The following EIF4A3 variants were observed in gnomAD, a reference collection of about 807,000 sequenced individuals.
EIF4A3 encodes the protein eukaryotic translation initiation factor 4A3, also known as eukaryotic initiation factor 4A-III.
EIF4A3 carries 1 observed loss-of-function variant against 55.6 expected under a neutral mutation model. The ratio of observed to expected loss-of-function variants is 0.02; its 90% CI spans 0.01 to 0.09. The LOEUF (loss-of-function observed/expected upper bound fraction) is 0.09, where lower values mean the gene tolerates loss of function less well. Among genes scored for constraint, EIF4A3 ranks in the 10% least tolerant of loss-of-function variants. The pLI, the probability that EIF4A3 is intolerant of heterozygous loss-of-function variation, is 1.00. For missense variants in EIF4A3, 221 were observed against 540.7 expected, an observed-to-expected ratio of 0.41 and a Z score of 5.86; for synonymous variants, 194 against 196.3, an observed-to-expected ratio of 0.99 and a Z score of 0.10.
chr17:80,142,701 CA>C (rs1457828759), intron 2 of EIF4A3, among the ~76,000 whole-genome samples: 26 of 152,028 alleles, frequency 1.7e-4, no homozygotes, highest in Non-Finnish European at 1.3e-4. Flanking sequence ...GCTATGACTG[CA>C]CCACTGCATT....
chr17:80,142,986 C>T lies in EIF4A3; in HGVS notation c.243-1138G>A, dbSNP rs181533615. ...GCTGCTATGAGCTGTAATCACACGACTGCACTCCAGTCTGGGAGACAGAGT... is the reference window on the plus strand; with the variant it reads ...GCTGCTATGAGCTGTAATCACACGATTGCACTCCAGTCTGGGAGACAGAGT... On this transcript the variant is annotated intron_variant, in intron 2 of 11. Coordinates refer to ENST00000649764, the MANE Select transcript of EIF4A3 (RefSeq NM_014740.4). Among the ~76,000 whole-genome samples, 133 of 152,300 alleles carry T rather than the reference C, an allele frequency of 8.7e-4. No homozygotes were observed. In the Middle Eastern group the frequency reaches 0.01, roughly 12 times the overall value.
At chr17:80,146,439 G>A (rs1187541906) in intron 1 of EIF4A3, among the ~76,000 whole-genome samples, 1 of 152,180 alleles carries the variant, frequency 6.6e-6, no homozygotes, top group African/African-American at 2.4e-5. Flanking sequence ...AACCCGTAAA[G>A]GCGCAAACCC....
chr17:80,144,088 G>A (rs891295790), intron 2 of EIF4A3, 84 bp downstream of exon 2: 9 of 1,311,398 alleles, frequency 6.9e-6, no homozygotes, highest in Admixed American at 6.7e-5. Context: ...ACAAGCTGAG[G>A]GAAACAGTCA....
chr17:80,142,501 C>A (rs989457798), intron 2 of EIF4A3, among the ~76,000 whole-genome samples: 1 of 152,180 alleles, frequency 6.6e-6, no homozygotes, highest in Non-Finnish European at 1.5e-5. Flanking sequence ...ATTCCCAACA[C>A]TCTGGGACGC....
At position 80,134,856 on chromosome 17, in the gene EIF4A3, A is replaced by G. The variant is rs2039557191; in HGVS notation, c.*634T>C. Among the ~76,000 whole-genome samples the G allele has an allele frequency of 6.6e-6, 1 of 152,114 alleles. No individual in the cohort carries two copies. The highest frequency in any genetic ancestry group is 1.5e-5 in the Non-Finnish European group (1 of 68,022). On this transcript the variant is annotated 3_prime_UTR_variant, in exon 12 of 12. Transcript: ENST00000649764. ...CTCTTTCCAAAAAAAAAGATTAGAAAAGTGAGTGAAATGGGCCGGGTGCAG... is the reference window on the plus strand; with the variant it reads ...CTCTTTCCAAAAAAAAAGATTAGAAGAGTGAGTGAAATGGGCCGGGTGCAG...
chr17:80,144,977 C>G (rs999154695), intron 1 of EIF4A3, among the ~76,000 whole-genome samples: 2 of 152,198 alleles, frequency 1.3e-5, no homozygotes, highest in Non-Finnish European at 2.9e-5. Context: ...TTGGTAGTCT[C>G]TTAAATGTAG....
Position 80,135,643 on chromosome 17 carries a change from C to T in EIF4A3, c.1220-137G>A, listed in dbSNP as rs530521769. The T allele has an allele frequency of 2.7e-5, 21 of 768,178 alleles. No individual in the cohort carries two copies. In the East Asian group the frequency reaches 5.5e-4, roughly 20 times the overall value. The allele number at this position is 768,178 out of a possible 1,614,324, so 47.6% of individuals were successfully genotyped here. A position where few individuals can be genotyped will look rare whatever the true frequency, so the allele number is the denominator to read the frequency against. Reference sequence around the variant, plus strand: ...AGACATAGTGGCTCACGCCTGTAATCCCAGCACTTTGGGAGGCTGAGGTGG... The same window carrying T: ...AGACATAGTGGCTCACGCCTGTAATTCCAGCACTTTGGGAGGCTGAGGTGG... On this transcript the variant is annotated intron_variant, in intron 11 of 11. Coordinates refer to ENST00000649764, the MANE Select transcript of EIF4A3 (RefSeq NM_014740.4).
chr17:80,142,859 C>A (rs2039629116), intron 2 of EIF4A3, among the ~76,000 whole-genome samples: 1 of 152,020 alleles, frequency 6.6e-6, no homozygotes, highest in Non-Finnish European at 1.5e-5. Flanking sequence ...GGCAACACAA[C>A]AAAACCCTGT....
intron 8 of EIF4A3, 49 bp from the exon 9 acceptor site, chr17:80,137,550 G>A: frequency 1.4e-6 from 2 of 1,474,606 alleles, no homozygotes; most frequent in Middle Eastern, 3.5e-4. Context: ...TACCAAAGCA[G>A]AGATGTGCAT....
At position 80,146,911 on chromosome 17, in the gene EIF4A3, C is replaced by A. The variant is rs559438550; in HGVS notation, c.51G>T (p.Leu17=). ...MATSGSARKR[L]LKEEDMTKVE... ...CTTTAGTCATGTCTTCCTCTTTGAG[C>A]AGCCGCTTTCGCGCCGAGCCCGAGG... The change falls in exon 1 of 12, where the codon CTG becomes CTT. Residue 17 remains leucine, a synonymous_variant. Transcript: ENST00000649764. 3.1e-6 allele frequency: 5 copies of A among 1,610,070 alleles called. No individual in the cohort carries two copies. The East Asian group carries it at 9.0e-5, about 29-fold the overall frequency.
Position 80,138,190 on chromosome 17 carries a change from G to A in EIF4A3, c.819C>T (p.Asp273=), listed in dbSNP as rs781352571. ...WKFDTLCDLY[D]TLTITQAVIF... is the part of the protein sequence containing the mutation. ...TGACCGCCTGAGTGATGGTCAGTGT[G>A]TCGTAGAGGTCACACAGAGTGTCAA... The change falls in exon 8 of 12, where the codon GAC becomes GAT. Residue 273 remains aspartate, a synonymous_variant. Coordinates refer to ENST00000649764, the MANE Select transcript of EIF4A3 (RefSeq NM_014740.4). 6.2e-7 allele frequency: 1 copy of A among 1,614,098 alleles called. No homozygotes were observed. The highest frequency in any genetic ancestry group is 1.7e-5 in the Admixed American group (1 of 60,022).
rs756932836 is a variant in EIF4A3, at chr17:80,146,785, C to T, written c.169+8G>A. ...CCCGGCTGGCCCCCGCGGCCCGCGC[C>T]CGCTCACCGTAAGCGTAGATGCCCC... On this transcript the variant is annotated splice_region_variant and intron_variant, in intron 1 of 11. Transcript: ENST00000649764. 6.2e-7 allele frequency: 1 copy of T among 1,604,654 alleles called. No homozygotes were observed. Among genetic ancestry groups the T allele is most frequent in the African/African-American group, 1.3e-5 (1 of 74,342 alleles).
rs2039676142 is a variant in EIF4A3 at position 80,147,115 on chromosome 17, G to A, written c.-154C>T. Reference sequence around the variant, plus strand: ...CCGCTGCCGACCTCGCTGTGCCGCTGCCGACCTCGCTGTGCCGCTGCCGAG... The same window carrying A: ...CCGCTGCCGACCTCGCTGTGCCGCTACCGACCTCGCTGTGCCGCTGCCGAG... On this transcript the variant is annotated 5_prime_UTR_variant, in exon 1 of 12. Coordinates refer to ENST00000649764, the MANE Select transcript of EIF4A3 (RefSeq NM_014740.4). The A allele has an allele frequency of 8.4e-7, 1 of 1,191,948 alleles. No homozygotes were observed. Among genetic ancestry groups the A allele is most frequent in the South Asian group, 1.8e-5 (1 of 55,694 alleles). 73.8% of individuals were successfully genotyped at this position (1,191,948 alleles called of 1,614,324 possible). A position where few individuals can be genotyped will look rare whatever the true frequency, so the allele number is the denominator to read the frequency against.
Position 80,135,405 on chromosome 17 carries a change from CA to C in EIF4A3, c.*84del. 6.7e-7 allele frequency: 1 copy of C among 1,485,166 alleles called. No homozygotes were observed. Among genetic ancestry groups the C allele is most frequent in the Non-Finnish European group, 9.0e-7 (1 of 1,113,620 alleles). 92.0% of individuals were successfully genotyped at this position (1,485,166 alleles called of 1,614,324 possible). ...ATGAGAAGAAAGTCCATATAAACCC[CA>C]TTAAGTAGAATCTGGATCTAAATAC... On this transcript the variant is annotated 3_prime_UTR_variant, in exon 12 of 12. Coordinates refer to ENST00000649764, the MANE Select transcript of EIF4A3 (RefSeq NM_014740.4).
chr17:80,137,880 G>C (rs2039585805), intron 8 of EIF4A3, among the ~76,000 whole-genome samples: 1 of 152,112 alleles, frequency 6.6e-6, no homozygotes, highest in Non-Finnish European at 1.5e-5. Context: ...AAACTACTCA[G>C]GCCTGGGTTC....
At chr17:80,138,041 T>C (rs2039587220) in intron 8 of EIF4A3, 101 bp downstream of exon 8, 2 of 1,452,448 alleles carry the variant, frequency 1.4e-6, no homozygotes, top group African/African-American at 1.4e-5. Flanking sequence ...GCTTAAAATA[T>C]GGACAAACTG....
In EIF4A3 at chr17:80,141,504, C is replaced by T; in HGVS notation, c.310-123G>A. 3 of 1,062,406 alleles carry T rather than the reference C, an allele frequency of 2.8e-6. No homozygotes were observed. The South Asian group carries it at 4.4e-5, about 16-fold the overall frequency. 65.8% of individuals were successfully genotyped at this position (1,062,406 alleles called of 1,614,324 possible). On this transcript the variant is annotated intron_variant, in intron 3 of 11. Coordinates refer to ENST00000649764, the MANE Select transcript of EIF4A3 (RefSeq NM_014740.4). ...TATTAATCATACTTCTCATCTCTTA[C>T]AGGTTAGCAAATATTGTCATTTAAA...
intron 11 of EIF4A3, 53 bp from the exon 12 acceptor site, chr17:80,135,559 T>C (rs955222650): frequency 6.7e-7 from 1 of 1,495,432 alleles, no homozygotes; most frequent in African/African-American, 1.4e-5. Flanking sequence ...AAATGAAAAT[T>C]TGTTAACGTA....
chr17:80,139,188 G>A, intron 6 of EIF4A3, 26 bp from the exon 7 acceptor site: 1 of 1,612,604 alleles, frequency 6.2e-7, no homozygotes, highest in Non-Finnish European at 8.5e-7. Context: ...AGACAGGTGA[G>A]GGATGTTTAG....
Sources: gnomAD v4.1 joint callset for allele counts (sites outside exome capture counted in the v4.1 genomes callset) on GRCh38, gnomAD v4.1.1 for gene constraint, MANE v1.5 for transcripts, NCBI Gene and HGNC (gene_info 2026-07-23, HGNC 2026-07-21) for gene names.